BTD: variants seen among roughly 807,000 people sequenced by gnomAD.
BTD encodes the protein biocytinase.
Under a neutral mutation model 17.7 loss-of-function variants are expected in BTD, and 13 were observed. That is an observed-to-expected ratio of 0.74 (90% CI 0.48 to 1.17). BTD has a LOEUF of 1.17. Ranked by LOEUF, BTD falls within the 50% of genes most tolerant of loss-of-function variation. The probability of loss-of-function intolerance (pLI) is 0.00; values close to 1 mark genes in which losing one functional copy is unlikely to be tolerated. For synonymous variants in BTD, 240 were observed against 245.2 expected, an observed-to-expected ratio of 0.98 and a Z score of 0.20; for missense variants, 674 against 650.4, an observed-to-expected ratio of 1.04 and a Z score of -0.39.
downstream of BTD, among the ~76,000 whole-genome samples, chr3:15,715,018 C>T (rs536422337): frequency 1.2e-4 from 19 of 152,096 alleles, no homozygotes; most frequent in East Asian, 1.4e-3. Flanking sequence ...GAATTAACTT[C>T]GTGAATTTTG....
chr3:15,672,038 T>C (rs1295857085), intron 3 of BTD, among the ~76,000 whole-genome samples: 1 of 152,198 alleles, frequency 6.6e-6, no homozygotes, highest in Non-Finnish European at 1.5e-5. Context: ...TATTTCATTG[T>C]GTGATTATAC....
intron 3 of BTD, chr3:15,695,322 T>G (rs961893114): frequency 3.9e-6 from 3 of 775,800 alleles, no homozygotes; most frequent in Non-Finnish European, 6.3e-6. Context: ...CCGTGCTTCC[T>G]TTGGCTCCAA....
chr3:15,706,160 A>T (rs2071353826), intron 3 of BTD, among the ~76,000 whole-genome samples: 1 of 151,902 alleles, frequency 6.6e-6, no homozygotes, highest in Admixed American at 6.6e-5. Context: ...GCACATATGT[A>T]TACATGTGCC....
At chr3:15,704,182 T>C (rs1011946869) in intron 3 of BTD, among the ~76,000 whole-genome samples, 2 of 152,150 alleles carry the variant, frequency 1.3e-5, no homozygotes, top group African/African-American at 4.8e-5. Context: ...TATATTTGTT[T>C]GCTGGATTCT....
Position 15,645,755 on chromosome 3 carries a change from C to T in BTD, c.*267C>T, listed in dbSNP as rs2065679692. 4.4e-6 allele frequency: 2 copies of T among 456,704 alleles called. No homozygotes were observed. The highest frequency in any genetic ancestry group is 7.8e-6 in the Non-Finnish European group (2 of 255,294). The allele number at this position is 456,704 out of a possible 1,614,324, so 28.3% of individuals were successfully genotyped here. ...AGCCACATCTTCCTCTAACAAATCT[C>T]TCAGTATGCGATTGGTCTCAAGCTA... On this transcript the variant is annotated 3_prime_UTR_variant, in exon 4 of 4. Transcript: ENST00000643237.
In BTD at chr3:15,642,217, A is replaced by T. The variant is rs1002014706; in HGVS notation, c.399+160A>T. ...GATCCATGTGCCACATGTTCATTCC[A>T]TTAAAGAATGTCTGACGTTACAAGG... On this transcript the variant is annotated intron_variant, in intron 3 of 3. Coordinates refer to ENST00000643237, the MANE Select transcript of BTD (RefSeq NM_001370658.1). 8.1e-6 allele frequency: 12 copies of T among 1,485,396 alleles called. No homozygotes were observed. In the African/African-American group the frequency reaches 1.1e-4, roughly 14 times the overall value. 92.0% of individuals were successfully genotyped at this position (1,485,396 alleles called of 1,614,324 possible).
upstream of BTD, chr3:15,601,374 C>T (rs1466047910): frequency 1.2e-6 from 2 of 1,613,986 alleles, no homozygotes; most frequent in Non-Finnish European, 1.7e-6. Context: ...CCAGGAAGGT[C>T]CATCGTACTT....
intron 3 of BTD, chr3:15,676,831 T>C (rs1310848785): frequency 8.9e-6 from 5 of 564,350 alleles, no homozygotes; most frequent in East Asian, 3.1e-5. Context: ...ATTTTAGAAA[T>C]GAGTTTTGAC....
At chr3:15,703,896 C>T (rs1337218225) in intron 3 of BTD, among the ~76,000 whole-genome samples, 1 of 152,092 alleles carries the variant, frequency 6.6e-6, no homozygotes, top group Admixed American at 6.5e-5. Flanking sequence ...TTGATTAAGG[C>T]TGTGAGGGAC....
chr3:15,644,963 G>A lies in BTD; in HGVS notation c.1047G>A (p.Pro349=), dbSNP rs140890299. The part of the protein sequence containing the change: ...SKFLKILSGD[P]YCEKDAQEVH... ...TTTTAAAAATTTTGTCAGGCGATCCGTACTGTGAGAAGGATGCTCAGGAAG... is the reference window on the plus strand; with the variant it reads ...TTTTAAAAATTTTGTCAGGCGATCCATACTGTGAGAAGGATGCTCAGGAAG... Residue 349 remains proline (P), a synonymous_variant, in exon 4 of 4, where the codon CCG becomes CCA. Coordinates refer to ENST00000643237, the MANE Select transcript of BTD (RefSeq NM_001370658.1). The A allele has an allele frequency of 5.2e-5, 84 of 1,614,054 alleles. No homozygotes were observed. The highest frequency in any genetic ancestry group is 1.9e-4 in the African/African-American group (14 of 74,928).
At chr3:15,667,699 T>C (rs1208238925) in intron 3 of BTD, 2 of 151,650 alleles carry the variant, frequency 1.3e-5, no homozygotes, top group Non-Finnish European at 2.9e-5. Context: ...CCAAAGGAAG[T>C]GGTTAAGCTG....
At chr3:15,683,078 A>G (rs1024740228) in intron 3 of BTD, among the ~76,000 whole-genome samples, 1 of 152,238 alleles carries the variant, frequency 6.6e-6, no homozygotes, top group Non-Finnish European at 1.5e-5. Flanking sequence ...CAAACACTGT[A>G]ATAGAAAGCA....
At position 15,618,626 on chromosome 3, in the gene BTD, C is replaced by T. The variant is rs189050008; in HGVS notation, c.-17+16732C>T. 3.3e-3 allele frequency among the ~76,000 whole-genome samples: 503 copies of T among 152,068 alleles called. 1 individual carries two copies. The highest frequency in any genetic ancestry group is 0.027 in the Middle Eastern group (8 of 294). On this transcript the variant is annotated intron_variant, in intron 1 of 3. Transcript: ENST00000643237. ...CTGCAAGCTCCACCTCCCGGGTTCA[C>T]GCCATTCTCCTGCCTCAGCCTCCCG...
At position 15,626,791 on chromosome 3, in the gene BTD, A is replaced by G. The variant is rs183700046; in HGVS notation, c.-16-8633A>G. 9.6e-5 allele frequency among the ~76,000 whole-genome samples: 14 copies of G among 146,020 alleles called. No homozygotes were observed. The South Asian group carries it at 1.5e-3, about 16-fold the overall frequency. ...GCAAGACCCTGTCTCAAAAAAAAAA[A>G]AAAAGAAAAGAAAAGAAAAAGAAGC... is the stretch of plus-strand genomic sequence containing the variant. On this transcript the variant is annotated intron_variant, in intron 1 of 3. Coordinates refer to ENST00000643237, the MANE Select transcript of BTD (RefSeq NM_001370658.1).
At chr3:15,708,862 T>C (rs551951334) in intron 3 of BTD, among the ~76,000 whole-genome samples, 2 of 152,326 alleles carry the variant, frequency 1.3e-5, no homozygotes, top group African/African-American at 4.8e-5. Flanking sequence ...TGCATTGACA[T>C]ATATTCACAC....
At position 15,645,322 on chromosome 3, in the gene BTD, A is replaced by G; in HGVS notation, c.1406A>G (p.Asn469Ser). The change falls in exon 4 of 4, where the codon AAC becomes AGC. Residue 469 changes from asparagine (N) to serine (S), a missense_variant. Physicochemically the swap from Asn to Ser is conservative, Grantham distance 46. Coordinates refer to ENST00000643237, the MANE Select transcript of BTD (RefSeq NM_001370658.1). ...ATATTTGAGTTTCACCTGTGGGGCA[A>G]CTTCAGTACTTCCTATATCTTTCCT... ...TGIFEFHLWG[N>S]FSTSYIFPLF... 3 of 1,614,204 alleles carry G rather than the reference A, an allele frequency of 1.9e-6. No homozygotes were observed. Among genetic ancestry groups the G allele is most frequent in the Non-Finnish European group, 2.5e-6 (3 of 1,180,034 alleles).
At chr3:15,610,862 G>A (rs1375733243) in intron 1 of BTD, among the ~76,000 whole-genome samples, 1 of 151,160 alleles carries the variant, frequency 6.6e-6, no homozygotes, top group Non-Finnish European at 1.5e-5. Context: ...TGCACATTGG[G>A]TGATAAAGCT....
At chr3:15,701,226 C>T (rs2070555499) in intron 3 of BTD, among the ~76,000 whole-genome samples, 1 of 152,148 alleles carries the variant, frequency 6.6e-6, no homozygotes, top group South Asian at 2.1e-4. Flanking sequence ...ATGCTTTAGA[C>T]CTCTTAGAAA....
chr3:15,641,126 AGATGTCACAG>A (rs1478473536), intron 2 of BTD, among the ~76,000 whole-genome samples: 1 of 152,212 alleles, frequency 6.6e-6, no homozygotes, highest in Non-Finnish European at 1.5e-5. Context: ...AGGTTGCTGT[AGATGTCACAG>A]GGAGTTCCGG....
Sources: allele counts gnomAD v4.1 joint callset (sites outside exome capture counted in the v4.1 genomes callset), GRCh38; gene constraint gnomAD v4.1.1; transcripts MANE v1.5; gene names NCBI Gene and HGNC (gene_info 2026-07-23, HGNC 2026-07-21).